The following PLSCR1 variants were observed in gnomAD, a reference collection of about 807,000 sequenced individuals.
PLSCR1 encodes the protein PL scramblase 1.
In PLSCR1, 17 loss-of-function variants were observed where a neutral mutation model predicts 37.8. The observed-to-expected ratio is 0.45, with a 90% CI of 0.31 to 0.68. The LOEUF (loss-of-function observed/expected upper bound fraction) is 0.68. PLSCR1 is among the 30% of genes least tolerant of loss of function. PLSCR1 has a pLI of 0.06. For synonymous variants in PLSCR1, 116 were observed against 125.9 expected (o/e 0.92, Z 0.53); for missense variants, 347 against 380.9 (o/e 0.91, Z 0.74).
At chr3:146,521,802 T>C (rs2044024995) in intron 6 of PLSCR1, 31 bp downstream of exon 6, 1 of 1,589,538 alleles carries the variant, frequency 6.3e-7, no homozygotes, top group African/African-American at 1.3e-5. Flanking sequence ...CTGAACTATT[T>C]TACAAAGTGC....
At chr3:146,529,008 T>C (rs533842657) in intron 3 of PLSCR1, among the ~76,000 whole-genome samples, 177 bp from the exon 4 acceptor site, 1 of 152,350 alleles carries the variant, frequency 6.6e-6, no homozygotes, top group African/African-American at 2.4e-5. Flanking sequence ...TGGTTGCACA[T>C]CCACTTCTAT....
intron 2 of PLSCR1, among the ~76,000 whole-genome samples, chr3:146,535,000 C>G (rs993112579): frequency 6.6e-6 from 1 of 152,076 alleles, no homozygotes; most frequent in East Asian, 1.9e-4. Flanking sequence ...TGAAACTCCC[C>G]ATCATTCTTT....
At chr3:146,518,288 T>G (rs1407827486) in intron 7 of PLSCR1, among the ~76,000 whole-genome samples, 5 of 152,200 alleles carry the variant, frequency 3.3e-5, no homozygotes, top group Admixed American at 1.3e-4. Flanking sequence ...ATGACTCAGG[T>G]AGCTGCTGCT....
At chr3:146,534,558 C>T (rs575472857) in intron 2 of PLSCR1, among the ~76,000 whole-genome samples, 29 of 152,058 alleles carry the variant, frequency 1.9e-4, no homozygotes, top group Middle Eastern at 6.8e-3. Flanking sequence ...GGATTGTTTC[C>T]CCCACCCCCT....
chr3:146,531,228 G>A (rs1157123738), intron 3 of PLSCR1, among the ~76,000 whole-genome samples: 2 of 152,214 alleles, frequency 1.3e-5, no homozygotes, highest in Non-Finnish European at 2.9e-5. Context: ...TCCTGGGACA[G>A]TAACTAACAT....
intron 7 of PLSCR1, among the ~76,000 whole-genome samples, chr3:146,518,421 T>G (rs1055993958): frequency 9.2e-5 from 14 of 152,194 alleles, no homozygotes; most frequent in African/African-American, 3.4e-4. Flanking sequence ...GTATAAACAC[T>G]TATTGCAAGC....
chr3:146,519,192 G>C (rs1184364342), intron 7 of PLSCR1, among the ~76,000 whole-genome samples: 1 of 152,076 alleles, frequency 6.6e-6, no homozygotes, highest in Non-Finnish European at 1.5e-5. Flanking sequence ...GTGAAGATGG[G>C]TTTCAAACCT....
chr3:146,538,245 A>C (rs976154605), intron 1 of PLSCR1, among the ~76,000 whole-genome samples: 9 of 152,212 alleles, frequency 5.9e-5, no homozygotes, highest in Admixed American at 5.2e-4. Context: ...AAGTAGACTA[A>C]AAGTTTTCAA....
chr3:146,535,907 A>G (rs1038027254), intron 2 of PLSCR1, among the ~76,000 whole-genome samples: 1 of 152,206 alleles, frequency 6.6e-6, no homozygotes, highest in Non-Finnish European at 1.5e-5. Flanking sequence ...GAGAATAAAG[A>G]AAAGCGTTTC....
chr3:146,529,977 T>C (rs1470018733), intron 3 of PLSCR1, among the ~76,000 whole-genome samples: 1 of 152,190 alleles, frequency 6.6e-6, no homozygotes, highest in African/African-American at 2.4e-5. Context: ...CAATTTAACA[T>C]CCTTTGGTCT....
intron 5 of PLSCR1, among the ~76,000 whole-genome samples, chr3:146,524,400 A>G (rs1576785323): frequency 6.6e-6 from 1 of 152,060 alleles, no homozygotes; most frequent in African/African-American, 2.4e-5. Flanking sequence ...TCATGAAAAA[A>G]TAACATAGAC....
chr3:146,521,729 TA>T, intron 6 of PLSCR1, 24 bp from the exon 7 acceptor site: 1 of 1,594,870 alleles, frequency 6.3e-7, no homozygotes, highest in Non-Finnish European at 8.6e-7. Flanking sequence ...ATAATATATG[TA>T]AATGTAATAA....
In PLSCR1 at chr3:146,521,668, T is replaced by A. The variant is rs375625153; in HGVS notation, c.614A>T (p.Tyr205Phe). 1.9e-6 allele frequency: 3 copies of A among 1,613,428 alleles called. No homozygotes were observed. The highest frequency in any genetic ancestry group is 2.5e-6 in the Non-Finnish European group (3 of 1,179,392). ...ACATGGGTGCCAAGTCTGAATAACA[T>A]AACCTATTGGTACACCAGGAGGAGC... ...IQAPPGVPIG[Y>F]VIQTWHPCLP... Residue 205 changes from tyrosine to phenylalanine, a missense_variant, in exon 7 of 9, where the codon TAT becomes TTT. Coordinates refer to ENST00000342435, the MANE Select transcript of PLSCR1 (RefSeq NM_021105.3).
At chr3:146,523,145 T>C (rs1232562483) in intron 5 of PLSCR1, among the ~76,000 whole-genome samples, 1 of 152,168 alleles carries the variant, frequency 6.6e-6, no homozygotes, top group East Asian at 1.9e-4. Flanking sequence ...TTCTCTATAC[T>C]TTGTCTCTGT....
chr3:146,521,765 G>A, intron 6 of PLSCR1, 60 bp from the exon 7 acceptor site: 2 of 1,574,830 alleles, frequency 1.3e-6, no homozygotes, highest in Admixed American at 3.4e-5. Context: ...TTCGATGAAA[G>A]GTTCAATGAC....
intron 1 of PLSCR1, among the ~76,000 whole-genome samples, chr3:146,538,688 A>T (rs2044297838): frequency 6.6e-6 from 1 of 152,194 alleles, no homozygotes; most frequent in Non-Finnish European, 1.5e-5. Context: ...AATGTAAGAG[A>T]AGAAACTTAG....
At position 146,517,087 on chromosome 3, in the gene PLSCR1, G is replaced by A. The variant is rs776973165; in HGVS notation, c.819C>T (p.Asp273=). The A allele has an allele frequency of 2.1e-5, 34 of 1,600,218 alleles. No homozygotes were observed. The highest frequency in any genetic ancestry group is 3.3e-5 in the South Asian group (3 of 89,682). The part of the protein sequence containing the change: ...WTGILREAFT[D]ADNFGIQFPL... ...GGAACTGGATTCCAAAGTTATCAGC[G>A]TCTGTAAATGCCTCTCTCAAAATTC... Residue 273 remains aspartate, a synonymous_variant, in exon 8 of 9, where the codon GAC becomes GAT. Coordinates refer to ENST00000342435, the MANE Select transcript of PLSCR1 (RefSeq NM_021105.3).
chr3:146,522,862 G>C (rs771519098), intron 5 of PLSCR1, among the ~76,000 whole-genome samples: 132 of 152,232 alleles, frequency 8.7e-4, no homozygotes, highest in Non-Finnish European at 1.4e-3. Flanking sequence ...GGTGGGACGT[G>C]CTGGCAGCAA....
chr3:146,516,019 T>G lies in PLSCR1; in HGVS notation c.*26A>C. 1 of 1,510,600 alleles carries G rather than the reference T, an allele frequency of 6.6e-7. No individual in the cohort carries two copies. The allele number at this position is 1,510,600 out of a possible 1,614,324, so 93.6% of individuals were successfully genotyped here. ...CTCAATCAATATACAGACTTCAGAT[T>G]TCCTGAGGAGACTTTCACTAATCCA... On this transcript the variant is annotated 3_prime_UTR_variant, in exon 9 of 9. Transcript: ENST00000342435.
Sources: gnomAD v4.1 joint callset for allele counts (sites outside exome capture counted in the v4.1 genomes callset) on GRCh38, gnomAD v4.1.1 for gene constraint, MANE v1.5 for transcripts, NCBI Gene and HGNC (gene_info 2026-07-23, HGNC 2026-07-21) for gene names.